CPT1A: variants seen among roughly 807,000 people sequenced by gnomAD.
The protein encoded by CPT1A is carnitine palmitoyltransferase 1A, also known as carnitine O-palmitoyltransferase 1, liver isoform.
Under a neutral mutation model 100.8 loss-of-function variants are expected in CPT1A, and 64 were observed. The ratio of observed to expected loss-of-function variants is 0.63; its 90% CI spans 0.52 to 0.78. The LOEUF (loss-of-function observed/expected upper bound fraction) is 0.78. Ranked by LOEUF, CPT1A falls within the 30% of genes least tolerant of loss-of-function variation. The pLI, the probability that CPT1A is intolerant of heterozygous loss-of-function variation, is 0.00. For missense variants in CPT1A, 802 were observed against 1,034.1 expected, an observed-to-expected ratio of 0.78 and a Z score of 3.08; for synonymous variants, 363 against 396.0, an observed-to-expected ratio of 0.92 and a Z score of 0.99.
At chr11:68,787,640 T>A (rs1186076189) in intron 9 of CPT1A, among the ~76,000 whole-genome samples, 2 of 151,942 alleles carry the variant, frequency 1.3e-5, no homozygotes, top group East Asian at 3.9e-4. Flanking sequence ...GACTGTGTCC[T>A]TTTAAGAAGA....
At chr11:68,832,186 C>T (rs541529831) in intron 1 of CPT1A, among the ~76,000 whole-genome samples, 48 of 152,272 alleles carry the variant, frequency 3.2e-4, no homozygotes, top group African/African-American at 1.2e-3. Context: ...CGGTGGCTCA[C>T]GCCTCTAATC....
At position 68,756,555 on chromosome 11, in the gene CPT1A, C is replaced by T. The variant is rs1053387049; in HGVS notation, c.*1089G>A. ...GGAGGAGAAGGCCATCCCTTGGGGT[C>T]GTGGAGCCACTCTCTCCTCACCACG... On this transcript the variant is annotated 3_prime_UTR_variant, in exon 19 of 19. Transcript: ENST00000265641. 1.3e-5 allele frequency: 2 copies of T among 152,170 alleles called. No individual in the cohort carries two copies. The highest frequency in any genetic ancestry group is 2.9e-5 in the Non-Finnish European group (2 of 68,050). The allele number at this position is 152,170 out of a possible 1,614,324, so 9.4% of individuals were successfully genotyped here.
chr11:68,812,384 G>A, intron 3 of CPT1A, 53 bp downstream of exon 3: 1 of 1,603,070 alleles, frequency 6.2e-7, no homozygotes, highest in Admixed American at 1.7e-5. Context: ...CATAAAAACA[G>A]CAATAAAATC....
chr11:68,774,028 C>T (rs1855073517), intron 13 of CPT1A: 1 of 161,030 alleles, frequency 6.2e-6, no homozygotes, highest in South Asian at 1.7e-4. Flanking sequence ...GGACAGCCCA[C>T]AACAAGGGAG....
At chr11:68,837,197 G>C (rs931996701) in intron 1 of CPT1A, among the ~76,000 whole-genome samples, 1 of 152,158 alleles carries the variant, frequency 6.6e-6, no homozygotes, top group African/African-American at 2.4e-5. Flanking sequence ...TTACAGGCGT[G>C]CATCACCATG....
intron 9 of CPT1A, among the ~76,000 whole-genome samples, chr11:68,789,807 T>C (rs1855566095): frequency 6.6e-6 from 1 of 152,230 alleles, no homozygotes; most frequent in Admixed American, 6.5e-5. Flanking sequence ...CCAATTAGGA[T>C]CTTCATGGTT....
At position 68,838,572 on chromosome 11, in the gene CPT1A, T is replaced by TAAAAAA. The variant is rs1210532617; in HGVS notation, c.-14+3197_-14+3202dup. Among the ~76,000 whole-genome samples, 14 of 95,512 alleles carry TAAAAAA rather than the reference T, an allele frequency of 1.5e-4. No individual in the cohort carries two copies. The East Asian group carries it at 2.0e-3, about 13-fold the overall frequency. 62.7% of individuals were successfully genotyped at this position (95,512 alleles called of 152,430 possible). ...ACTCTACTCTGTATCTGCACCTTTT[T>TAAAAAA]AAAAAAAAAAAAAAAAAAACAGAGA... is the stretch of plus-strand genomic sequence containing the variant. On this transcript the variant is annotated intron_variant, in intron 1 of 18. Transcript: ENST00000265641.
intron 6 of CPT1A, 37 bp downstream of exon 6, chr11:68,799,179 GAA>G (rs753779449): frequency 6.3e-7 from 1 of 1,585,842 alleles, no homozygotes; most frequent in Non-Finnish European, 8.7e-7. Flanking sequence ...TCTTCATACG[GAA>G]AAATTTCATC....
At chr11:68,782,033 A>C in intron 10 of CPT1A, 74 bp from the exon 11 acceptor site, 1 of 1,363,142 alleles carries the variant, frequency 7.3e-7, no homozygotes, top group Non-Finnish European at 1.0e-6. Flanking sequence ...AAATGACACA[A>C]TCAAACCTTT....
chr11:68,781,714 G>T, intron 11 of CPT1A, 57 bp downstream of exon 11: 1 of 1,450,980 alleles, frequency 6.9e-7, no homozygotes, highest in Non-Finnish European at 9.7e-7. Flanking sequence ...AGGCACACAG[G>T]GTATTTCTTC....
chr11:68,815,345 T>C lies in CPT1A; in HGVS notation c.130A>G (p.Ile44Val), dbSNP rs747740303. The C allele has an allele frequency of 6.2e-7, 1 of 1,614,120 alleles. No homozygotes were observed. The highest frequency in any genetic ancestry group is 1.1e-5 in the South Asian group (1 of 91,082). ...SGLHSWKKKF[I>V]RFKNGIITGV... ...AAATCTCAGAAAACCTTGAATCTGA[T>C]GAACTTCTTTTTCCAGGAATGAAGT... Residue 44 changes from isoleucine (I) to valine (V), a missense_variant, in exon 2 of 19, where the codon ATC becomes GTC. Physicochemically the swap from Ile to Val is conservative, Grantham distance 29. This residue lies in a region of CPT1A where 161 missense variants were observed against 183.7 expected (regional missense o/e 0.88). Coordinates refer to ENST00000265641, the MANE Select transcript of CPT1A (RefSeq NM_001876.4).
chr11:68,836,299 G>A (rs1340356739), intron 1 of CPT1A, among the ~76,000 whole-genome samples: 4 of 151,264 alleles, frequency 2.6e-5, no homozygotes, highest in Non-Finnish European at 5.9e-5. Flanking sequence ...AACATAGTGA[G>A]GCCTGTCTCT....
chr11:68,810,965 ACGGAGCAAAAACTC>A (rs1465993542), intron 3 of CPT1A, among the ~76,000 whole-genome samples: 1 of 152,174 alleles, frequency 6.6e-6, no homozygotes, highest in Non-Finnish European at 1.5e-5. Flanking sequence ...AGCCTGGGCA[ACGGAGCAAAAACTC>A]CATTTCCAAA....
At chr11:68,810,576 T>C (rs144069305) in intron 3 of CPT1A, among the ~76,000 whole-genome samples, 337 of 152,236 alleles carry the variant, frequency 2.2e-3, no homozygotes, top group African/African-American at 7.3e-3. Flanking sequence ...AGGAACAGGA[T>C]GTGGAGGGGT....
rs1857146443 is a variant in CPT1A at position 68,841,006 on chromosome 11, G to A, written c.-14+769C>T. Among the ~76,000 whole-genome samples, 1 of 152,230 alleles carries A rather than the reference G, an allele frequency of 6.6e-6. No homozygotes were observed. Among genetic ancestry groups the A allele is most frequent in the Non-Finnish European group, 1.5e-5 (1 of 68,032 alleles). ...GCGCTCCCAAGCAGGCACTGGGCCC[G>A]GCACCCTCATCCTGCTCACGGCAGC... On this transcript the variant is annotated intron_variant, in intron 1 of 18. Transcript: ENST00000265641. This position sits in a 1 kb window ranked among gnomAD's most constrained non-coding sequence, Gnocchi z 6.3.
chr11:68,754,732 T>C, downstream of CPT1A: 1 of 759,634 alleles, frequency 1.3e-6, no homozygotes, highest in Admixed American at 1.7e-5. Flanking sequence ...CAGGCTTTTC[T>C]TTCCAGCCCA....
At chr11:68,809,421 A>G (rs1479579373) in intron 3 of CPT1A, among the ~76,000 whole-genome samples, 1 of 152,240 alleles carries the variant, frequency 6.6e-6, no homozygotes, top group Non-Finnish European at 1.5e-5. Context: ...CTTTCTTTGA[A>G]AGGACATGCT....
chr11:68,830,343 C>T (rs1438255861), intron 1 of CPT1A, among the ~76,000 whole-genome samples: 1 of 152,036 alleles, frequency 6.6e-6, no homozygotes. Context: ...CACCTGGAGC[C>T]CACCTGCTGG....
At chr11:68,785,155 C>T (rs1189059370) in intron 9 of CPT1A, 145 bp from the exon 10 acceptor site, 16 of 726,740 alleles carry the variant, frequency 2.2e-5, no homozygotes, top group Non-Finnish European at 3.4e-5. Context: ...TTCCTCAAGA[C>T]GTTTTAAATG....
Sources: gnomAD v4.1 joint callset for allele counts (sites outside exome capture counted in the v4.1 genomes callset) on GRCh38, gnomAD v4.1.1 for gene constraint, gnomAD v4.1.1 regional missense constraint, Gnocchi (gnomAD v3.1) non-coding constraint, MANE v1.5 for transcripts, NCBI Gene and HGNC (gene_info 2026-07-23, HGNC 2026-07-21) for gene names.